The following RIMS2 variants were observed in gnomAD, a reference collection of about 807,000 sequenced individuals.
The protein encoded by RIMS2 is regulating synaptic membrane exocytosis protein 2.
A neutral mutation model predicts 174.4 loss-of-function variants in RIMS2; 59 were observed. The observed-to-expected ratio is 0.34, with a 90% CI of 0.27 to 0.42. The LOEUF (loss-of-function observed/expected upper bound fraction) is 0.42. Among genes scored for constraint, RIMS2 ranks in the 10% least tolerant of loss-of-function variants. RIMS2 has a pLI of 1.00. For missense variants in RIMS2, 1,620 were observed against 1,666.3 expected (o/e 0.97, Z 0.48); for synonymous variants, 606 against 572.5 (o/e 1.06, Z -0.84).
At chr8:103,662,538 G>T (rs990002233) in intron 1 of RIMS2, among the ~76,000 whole-genome samples, 2 of 151,996 alleles carry the variant, frequency 1.3e-5, no homozygotes, top group African/African-American at 2.4e-5. Flanking sequence ...GTTACAGGTG[G>T]AATATTTACA....
At chr8:103,766,352 A>G (rs1163867758) in exon 3 of RIMS2, 1 of 1,613,734 alleles carries the variant, frequency 6.2e-7, no homozygotes, top group Non-Finnish European at 8.5e-7. Flanking sequence ...GAGGGCTAAG[A>G]AATGAGGAGG....
At chr8:103,962,931 G>T (rs1365462415) in intron 15 of RIMS2, among the ~76,000 whole-genome samples, 1 of 152,068 alleles carries the variant, frequency 6.6e-6, no homozygotes, top group African/African-American at 2.4e-5. Context: ...AAATTAGGAT[G>T]ATGGTATTGT....
rs1269115426 is a variant in RIMS2 at position 103,723,006 on chromosome 8, G to A, written c.387+25710G>A. On this transcript the variant is annotated intron_variant, in intron 2 of 23. Coordinates refer to ENST00000504942, the Ensembl canonical transcript of RIMS2. ...GCACACCTGTAATCCCAGCTACTTG[G>A]GAGGCTGAGGTAGGAGAATCACATG... Among the ~76,000 whole-genome samples the A allele has an allele frequency of 3.9e-5, 6 of 152,268 alleles. No homozygotes were observed. The East Asian group carries it at 1.2e-3, about 30-fold the overall frequency.
chr8:103,695,736 T>G (rs200641518), intron 1 of RIMS2, among the ~76,000 whole-genome samples: 9,816 of 151,438 alleles, frequency 0.065, 382 homozygotes, highest in South Asian at 0.087. Flanking sequence ...TTTTTTTTTG[T>G]TTGTTTGTTT....
intron 1 of RIMS2, among the ~76,000 whole-genome samples, chr8:103,550,078 A>G (rs1458888762): frequency 6.6e-6 from 1 of 152,150 alleles, no homozygotes; most frequent in East Asian, 1.9e-4. Context: ...ATATCCAGGA[A>G]TTGAACTCAG....
chr8:104,101,126 A>C (rs548582568), intron 19 of RIMS2, among the ~76,000 whole-genome samples: 2 of 135,232 alleles, frequency 1.5e-5, no homozygotes, highest in Non-Finnish European at 3.1e-5. Context: ...TGTAATATAT[A>C]TTTTACATAT....
chr8:103,782,187 T>C (rs2098397919), intron 3 of RIMS2, among the ~76,000 whole-genome samples: 1 of 151,970 alleles, frequency 6.6e-6, no homozygotes, highest in Non-Finnish European at 1.5e-5. Context: ...TCTGCAAATA[T>C]AAGAATATAT....
intron 3 of RIMS2, among the ~76,000 whole-genome samples, chr8:103,845,284 T>C (rs750361958): frequency 3.9e-5 from 6 of 152,094 alleles, no homozygotes; most frequent in Non-Finnish European, 7.4e-5. Flanking sequence ...TTGATTTCTG[T>C]AGCCAATGGT....
chr8:104,090,109 G>T (rs963862873), intron 19 of RIMS2, among the ~76,000 whole-genome samples: 1 of 151,334 alleles, frequency 6.6e-6, no homozygotes, highest in African/African-American at 2.4e-5. Flanking sequence ...ATGACAAGAG[G>T]TCATGTGTGA....
chr8:104,108,927 G>A (rs2098126353), intron 19 of RIMS2, among the ~76,000 whole-genome samples: 1 of 152,060 alleles, frequency 6.6e-6, no homozygotes, highest in Non-Finnish European at 1.5e-5. Context: ...GGCTTGCTTT[G>A]CTAAGCTGTG....
chr8:104,164,898 C>G (rs1363104852), intron 19 of RIMS2, among the ~76,000 whole-genome samples: 1 of 151,944 alleles, frequency 6.6e-6, no homozygotes, highest in East Asian at 1.9e-4. Context: ...CAACCAACCC[C>G]CATGACACAT....
At position 103,897,890 on chromosome 8, in the gene RIMS2, C is replaced by T. The variant is rs951424434; in HGVS notation, c.1624+11667C>T. Among the ~76,000 whole-genome samples, 6 of 151,574 alleles carry T rather than the reference C, an allele frequency of 4.0e-5. No homozygotes were observed. In the South Asian group the frequency reaches 6.2e-4, roughly 16 times the overall value. On this transcript the variant is annotated intron_variant, in intron 4 of 23. Coordinates refer to ENST00000504942, the Ensembl canonical transcript of RIMS2. ...TGGCAGGGTTGGACTTTATCTAAAGCGTCTTTCTGCTCTGGGTTCTATTTT... is the reference window on the plus strand; with the variant it reads ...TGGCAGGGTTGGACTTTATCTAAAGTGTCTTTCTGCTCTGGGTTCTATTTT...
chr8:104,079,602 T>G (rs1330682096), intron 19 of RIMS2, among the ~76,000 whole-genome samples: 3 of 54,894 alleles, frequency 5.5e-5, no homozygotes, highest in African/African-American at 7.6e-5. Flanking sequence ...AAGCATGATA[T>G]ATATATATAT....
At chr8:103,695,797 G>A (rs2097094296) in intron 1 of RIMS2, among the ~76,000 whole-genome samples, 1 of 151,646 alleles carries the variant, frequency 6.6e-6, no homozygotes, top group African/African-American at 2.4e-5. Flanking sequence ...AGCTTGCATG[G>A]TTTCTCAAGA....
chr8:103,633,895 A>G (rs2096008131), intron 1 of RIMS2, among the ~76,000 whole-genome samples: 1 of 151,938 alleles, frequency 6.6e-6, no homozygotes, highest in Admixed American at 6.6e-5. Context: ...CATCATTTCT[A>G]ATTGTTTTTA....
intron 3 of RIMS2, among the ~76,000 whole-genome samples, chr8:103,853,708 T>C (rs1421901114): frequency 1.3e-5 from 2 of 152,160 alleles, no homozygotes; most frequent in Non-Finnish European, 2.9e-5. Context: ...TGAGGCTTTA[T>C]TTCTGAGTTT....
chr8:103,529,339 C>A (rs931586291), intron 1 of RIMS2, among the ~76,000 whole-genome samples: 2 of 152,208 alleles, frequency 1.3e-5, no homozygotes, highest in Non-Finnish European at 2.9e-5. Context: ...GGTGCCCCTC[C>A]CCCAGGCTTG....
At chr8:103,876,909 T>TACGC (rs1554922576) in intron 3 of RIMS2, among the ~76,000 whole-genome samples, 3 of 66,112 alleles carry the variant, frequency 4.5e-5, no homozygotes, top group Non-Finnish European at 1.1e-4. Context: ...TATATATATA[T>TACGC]ACACACACAC....
chr8:103,623,780 C>T (rs911972350), intron 1 of RIMS2, among the ~76,000 whole-genome samples: 42 of 149,104 alleles, frequency 2.8e-4, no homozygotes, highest in Admixed American at 7.9e-4. Flanking sequence ...TGAGCCACCG[C>T]GCCCGGTCTC....
Sources: gnomAD v4.1 joint callset for allele counts (sites outside exome capture counted in the v4.1 genomes callset) on GRCh38, gnomAD v4.1.1 for gene constraint, MANE v1.5 for transcripts, NCBI Gene and HGNC (gene_info 2026-07-23, HGNC 2026-07-21) for gene names.